The following PCDH11X variants were observed in gnomAD, a reference collection of about 807,000 sequenced individuals.
The protein encoded by PCDH11X is protocadherin 11 X-linked, also known as protocadherin-11 X-linked.
PCDH11X carries 18 observed loss-of-function variants against 53.3 expected under a neutral mutation model. The observed-to-expected ratio is 0.34, with a 90% confidence interval of 0.23 to 0.50. The LOEUF (loss-of-function observed/expected upper bound fraction) is 0.50, where lower values mean the gene tolerates loss of function less well. PCDH11X is among the 20% of genes least tolerant of loss of function. The probability of loss-of-function intolerance (pLI) is 0.98; values close to 1 mark genes in which losing one functional copy is unlikely to be tolerated. For synonymous variants in PCDH11X, 279 were observed against 393.3 expected, an observed-to-expected ratio of 0.71 and a Z score of 3.44; for missense variants, 570 against 1,032.4, an observed-to-expected ratio of 0.55 and a Z score of 6.14.
intron 9 of PCDH11X, among the ~76,000 whole-genome samples, chrX:92,455,060 A>G (rs368094974): frequency 0.029 from 3,036 of 104,610 alleles, 72 homozygotes; most frequent in African/African-American, 0.083. Flanking sequence ...TCACCTATGT[A>G]AAGGATTTGT....
At chrX:92,160,038 C>T (rs1180001896) in intron 6 of PCDH11X, among the ~76,000 whole-genome samples, 3 of 110,820 alleles carry the variant, frequency 2.7e-5, no homozygotes, top group Admixed American at 9.6e-5. Context: ...AGGAGCTCAG[C>T]CCAAAACAAT....
At chrX:92,588,862 A>G (rs1239828173) in intron 10 of PCDH11X, among the ~76,000 whole-genome samples, 2 of 110,796 alleles carry the variant, frequency 1.8e-5, no homozygotes, top group Admixed American at 9.7e-5. Flanking sequence ...GACGACCTCA[A>G]GGCATTTAAT....
intron 1 of PCDH11X, among the ~76,000 whole-genome samples, chrX:91,783,897 A>G (rs772508468): frequency 8.9e-6 from 1 of 112,357 alleles, no homozygotes; most frequent in South Asian, 3.7e-4. Flanking sequence ...AAATGGTGTA[A>G]TTGAACATAA....
chrX:92,126,380 G>A (rs1387220606), intron 6 of PCDH11X, among the ~76,000 whole-genome samples: 4 of 111,243 alleles, frequency 3.6e-5, no homozygotes, highest in Non-Finnish European at 5.6e-5. Flanking sequence ...GGAGGCTGAG[G>A]CAGGTGGATC....
At chrX:92,419,286 T>TTG in intron 9 of PCDH11X, among the ~76,000 whole-genome samples, 1 of 105,737 alleles carries the variant, frequency 9.5e-6, no homozygotes, top group East Asian at 3.0e-4. Context: ...TTTTTTTTTT[T>TTG]TGTCTTTTTT....
At chrX:92,060,846 A>G (rs1182185817) in intron 6 of PCDH11X, among the ~76,000 whole-genome samples, 1 of 111,703 alleles carries the variant, frequency 9.0e-6, no homozygotes, top group African/African-American at 3.2e-5. Flanking sequence ...TATATACCCA[A>G]TCATGAGATT....
At chrX:92,604,423 T>C (rs1011337565) in intron 10 of PCDH11X, among the ~76,000 whole-genome samples, 1 of 110,261 alleles carries the variant, frequency 9.1e-6, no homozygotes, top group Non-Finnish European at 1.9e-5. Context: ...ACTAAGAGAA[T>C]AACACTCATA....
At chrX:92,078,617 A>T (rs1194236983) in intron 6 of PCDH11X, among the ~76,000 whole-genome samples, 1 of 110,696 alleles carries the variant, frequency 9.0e-6, no homozygotes, top group African/African-American at 3.3e-5. Flanking sequence ...CTTTACATTA[A>T]AATTTTGCTC....
At chrX:92,516,815 C>A (rs1020807522) in intron 10 of PCDH11X, among the ~76,000 whole-genome samples, 11 of 112,163 alleles carry the variant, frequency 9.8e-5, no homozygotes, top group Non-Finnish European at 1.7e-4. Flanking sequence ...ACAAACACAA[C>A]CATCTAGATA....
At chrX:92,325,314 C>A (rs766354751) in intron 8 of PCDH11X, among the ~76,000 whole-genome samples, 1 of 110,715 alleles carries the variant, frequency 9.0e-6, no homozygotes, top group African/African-American at 3.3e-5. Flanking sequence ...TAAATGAAAA[C>A]AGGAAGGAAA....
intron 6 of PCDH11X, among the ~76,000 whole-genome samples, chrX:92,195,351 T>C (rs1359898750): frequency 1.8e-5 from 2 of 111,770 alleles, no homozygotes; most frequent in South Asian, 3.7e-4. Flanking sequence ...TTCCACCTGG[T>C]GATTTGTTGC....
At chrX:92,244,432 A>G (rs1198356050) in intron 7 of PCDH11X, among the ~76,000 whole-genome samples, 2 of 110,052 alleles carry the variant, frequency 1.8e-5, no homozygotes, top group Admixed American at 2.0e-4. Context: ...TATACATATC[A>G]GCAATTAATT....
chrX:92,226,311 C>T (rs769759178), intron 7 of PCDH11X, among the ~76,000 whole-genome samples: 1 of 111,595 alleles, frequency 9.0e-6, no homozygotes, highest in East Asian at 2.8e-4. Flanking sequence ...CTATGTAGAA[C>T]TTTGATTGGG....
chrX:92,176,998 T>A (rs1183409322), intron 6 of PCDH11X, among the ~76,000 whole-genome samples: 1 of 106,654 alleles, frequency 9.4e-6, no homozygotes, highest in African/African-American at 3.4e-5. Context: ...TTTTTTGAGA[T>A]GGAGTCTTGC....
intron 5 of PCDH11X, among the ~76,000 whole-genome samples, chrX:91,875,333 A>C (rs1283635296): frequency 1.1e-5 from 1 of 88,425 alleles, no homozygotes; most frequent in Non-Finnish European, 2.1e-5. Flanking sequence ...CCCAGGCTGG[A>C]GTGCAGTGGC....
intron 9 of PCDH11X, among the ~76,000 whole-genome samples, chrX:92,428,450 T>C (rs894129591): frequency 9.0e-6 from 1 of 111,023 alleles, no homozygotes; most frequent in Non-Finnish European, 1.9e-5. Flanking sequence ...TTTTCCGGTG[T>C]CCCTCTTTAT....
At chrX:91,958,613 G>A (rs1301110834) in intron 6 of PCDH11X, among the ~76,000 whole-genome samples, 3 of 110,421 alleles carry the variant, frequency 2.7e-5, no homozygotes, top group African/African-American at 6.7e-5. Flanking sequence ...ACTCCCCCAC[G>A]GGCCATCACC....
intron 6 of PCDH11X, among the ~76,000 whole-genome samples, chrX:92,056,732 T>C (rs913014731): frequency 9.0e-6 from 1 of 111,210 alleles, no homozygotes; most frequent in African/African-American, 3.3e-5. Context: ...TATATTTATG[T>C]ATTTAGACTT....
intron 6 of PCDH11X, among the ~76,000 whole-genome samples, chrX:91,952,987 C>T (rs1279367427): frequency 9.1e-6 from 1 of 110,159 alleles, no homozygotes; most frequent in Non-Finnish European, 1.9e-5. Flanking sequence ...TTTGTGGGAT[C>T]TAAAAGTCAA....
Sources: allele counts gnomAD v4.1 joint callset (sites outside exome capture counted in the v4.1 genomes callset), GRCh38; gene constraint gnomAD v4.1.1; transcripts MANE v1.5; gene names NCBI Gene and HGNC (gene_info 2026-07-23, HGNC 2026-07-21).